The following KCNT2 variants were observed in gnomAD, a reference collection of about 807,000 sequenced individuals.
KCNT2 encodes potassium channel subfamily T member 2.
A neutral mutation model predicts 153.8 loss-of-function variants in KCNT2; 67 were observed. The ratio of observed to expected loss-of-function variants is 0.44; its 90% CI spans 0.36 to 0.53. The LOEUF is 0.53. Among genes scored for constraint, KCNT2 ranks in the 20% least tolerant of loss-of-function variants. KCNT2 has a pLI of 0.00. For missense variants in KCNT2, 975 were observed against 1,354.8 expected, an observed-to-expected ratio of 0.72 and a Z score of 4.40; for synonymous variants, 500 against 458.8, an observed-to-expected ratio of 1.09 and a Z score of -1.15.
chr1:196,512,796 A>G (rs1256354454), intron 1 of KCNT2, among the ~76,000 whole-genome samples: 1 of 152,156 alleles, frequency 6.6e-6, no homozygotes, highest in African/African-American at 2.4e-5. Flanking sequence ...ACTGAACTCC[A>G]TCCATTTATC....
intron 25 of KCNT2, among the ~76,000 whole-genome samples, chr1:196,269,347 GT>G (rs1326728619): frequency 5.9e-5 from 9 of 152,028 alleles, no homozygotes; most frequent in Non-Finnish European, 1.5e-5. Flanking sequence ...CAACATGCGA[GT>G]GTGTGTATAT....
At chr1:196,315,263 C>T (rs1662594411) in intron 21 of KCNT2, among the ~76,000 whole-genome samples, 1 of 151,658 alleles carries the variant, frequency 6.6e-6, no homozygotes, top group South Asian at 2.1e-4. Flanking sequence ...GAGAATTGTT[C>T]CAAGTGAAAC....
intron 12 of KCNT2, among the ~76,000 whole-genome samples, chr1:196,407,081 T>A (rs2148468528): frequency 6.6e-6 from 1 of 151,554 alleles, no homozygotes; most frequent in Middle Eastern, 3.4e-3. Context: ...TCCAGAACGG[T>A]ACACTCCATA....
chr1:196,555,950 T>C (rs1183109368), intron 1 of KCNT2, among the ~76,000 whole-genome samples: 2 of 151,380 alleles, frequency 1.3e-5, no homozygotes, highest in Non-Finnish European at 3.0e-5. Flanking sequence ...GATATCCATA[T>C]GCACAATATT....
intron 14 of KCNT2, among the ~76,000 whole-genome samples, chr1:196,351,513 A>G (rs1489419760): frequency 1.3e-5 from 2 of 151,706 alleles, no homozygotes; most frequent in African/African-American, 2.4e-5. Context: ...TTTGTCTGTT[A>G]TTGGTGTATA....
intron 8 of KCNT2, among the ~76,000 whole-genome samples, chr1:196,435,156 T>TATAC (rs1458327910): frequency 4.4e-5 from 5 of 113,014 alleles, no homozygotes; most frequent in Non-Finnish European, 8.2e-5. Context: ...TATATATATA[T>TATAC]ATATATATAT....
At chr1:196,308,081 C>A (rs1487753934) in intron 21 of KCNT2, among the ~76,000 whole-genome samples, 1 of 151,930 alleles carries the variant, frequency 6.6e-6, no homozygotes, top group Non-Finnish European at 1.5e-5. Flanking sequence ...CTCATGCAGA[C>A]AACAAATCCC....
intron 21 of KCNT2, among the ~76,000 whole-genome samples, chr1:196,314,125 A>AT (rs1220482963): frequency 5.9e-5 from 9 of 151,650 alleles, no homozygotes; most frequent in African/African-American, 2.2e-4. Context: ...ATGGGGATTT[A>AT]TTATTTCCTT....
At chr1:196,537,394 G>A (rs539005667) in intron 1 of KCNT2, among the ~76,000 whole-genome samples, 2 of 152,262 alleles carry the variant, frequency 1.3e-5, no homozygotes, top group South Asian at 4.1e-4. Flanking sequence ...GTTCTCTTAA[G>A]CAGTGTATCA....
At position 196,247,439 on chromosome 1, in the gene KCNT2, A is replaced by G. The variant is rs546595920; in HGVS notation, c.3211+10755T>C. On this transcript the variant is annotated intron_variant, in intron 26 of 27. Transcript: ENST00000294725. ...TGCTATAGACCAAATATCTACTAAGATATTGGCAAAACATTTTGTATTAGT... is the reference window on the plus strand; with the variant it reads ...TGCTATAGACCAAATATCTACTAAGGTATTGGCAAAACATTTTGTATTAGT... Among the ~76,000 whole-genome samples, 19 of 152,286 alleles carry G rather than the reference A, an allele frequency of 1.2e-4. No homozygotes were observed. In the East Asian group the frequency reaches 3.7e-3, roughly 29 times the overall value.
chr1:196,332,201 A>G (rs1355116826), intron 17 of KCNT2, among the ~76,000 whole-genome samples: 1 of 152,204 alleles, frequency 6.6e-6, no homozygotes, highest in Non-Finnish European at 1.5e-5. Flanking sequence ...ATTATAGGGT[A>G]AAATTTTGTA....
At chr1:196,487,948 G>A (rs1679564267) in intron 3 of KCNT2, among the ~76,000 whole-genome samples, 1 of 151,946 alleles carries the variant, frequency 6.6e-6, no homozygotes. Context: ...GCATCAGCAG[G>A]CAATGAGTTA....
intron 8 of KCNT2, among the ~76,000 whole-genome samples, chr1:196,430,007 C>A (rs1273230584): frequency 2.0e-5 from 3 of 152,102 alleles, no homozygotes; most frequent in African/African-American, 7.2e-5. Flanking sequence ...GAGTAACATG[C>A]AAAATGAACA....
intron 1 of KCNT2, among the ~76,000 whole-genome samples, chr1:196,511,368 A>G (rs570012503): frequency 6.6e-6 from 1 of 152,300 alleles, no homozygotes; most frequent in Admixed American, 6.5e-5. Flanking sequence ...GAAATTCCCC[A>G]CAGAAATCTG....
At chr1:196,347,024 G>A (rs1235009559) in intron 14 of KCNT2, among the ~76,000 whole-genome samples, 1 of 152,112 alleles carries the variant, frequency 6.6e-6, no homozygotes, top group Non-Finnish European at 1.5e-5. Flanking sequence ...TGGCTTTGAT[G>A]ATCTTGCCAG....
At chr1:196,316,616 C>T (rs956298940) in intron 20 of KCNT2, among the ~76,000 whole-genome samples, 1 of 151,604 alleles carries the variant, frequency 6.6e-6, no homozygotes, top group Non-Finnish European at 1.5e-5. Flanking sequence ...TACTGTTTAG[C>T]CAGCCTAAGT....
intron 16 of KCNT2, among the ~76,000 whole-genome samples, chr1:196,337,323 A>AT: frequency 6.6e-6 from 1 of 152,072 alleles, no homozygotes; most frequent in South Asian, 2.1e-4. Flanking sequence ...TACATGCAGA[A>AT]TTTTCTCCTT....
At chr1:196,419,587 TGGACATTTGGGTTGGTTCCAA>T (rs968752227) in intron 12 of KCNT2, among the ~76,000 whole-genome samples, 4 of 151,774 alleles carry the variant, frequency 2.6e-5, no homozygotes, top group South Asian at 4.2e-4. Flanking sequence ...CTATCATTGT[TGGACATTTGGGTTGGTTCCAA>T]GGACATTTGG....
At chr1:196,304,782 C>T (rs923524635) in intron 22 of KCNT2, among the ~76,000 whole-genome samples, 10 of 152,102 alleles carry the variant, frequency 6.6e-5, no homozygotes. Flanking sequence ...AAATTAAATT[C>T]CAGTTCTCAG....
Sources: gnomAD v4.1 joint callset for allele counts (sites outside exome capture counted in the v4.1 genomes callset) on GRCh38, gnomAD v4.1.1 for gene constraint, MANE v1.5 for transcripts, NCBI Gene and HGNC (gene_info 2026-07-23, HGNC 2026-07-21) for gene names.